THSD7B: variants seen among roughly 807,000 people sequenced by gnomAD.
THSD7B encodes thrombospondin type-1 domain-containing protein 7B.
In THSD7B, 138 loss-of-function variants were observed where a neutral mutation model predicts 213.6. That is an observed-to-expected ratio of 0.65 (90% CI 0.56 to 0.74). THSD7B has a LOEUF of 0.74. THSD7B is among the 30% of genes least tolerant of loss of function. The pLI is 0.00. For missense variants in THSD7B, 1,931 were observed against 1,991.5 expected, an observed-to-expected ratio of 0.97 and a Z score of 0.58; for synonymous variants, 742 against 687.0, an observed-to-expected ratio of 1.08 and a Z score of -1.25.
intron 15 of THSD7B, among the ~76,000 whole-genome samples, chr2:137,517,994 G>T (rs1680106008): frequency 6.6e-6 from 1 of 152,178 alleles, no homozygotes; most frequent in Non-Finnish European, 1.5e-5. Context: ...CATAAAGTGG[G>T]TCATGCACAG....
At position 137,308,952 on chromosome 2, in the gene THSD7B, G is replaced by A. The variant is rs185312547; in HGVS notation, c.2500+32926G>A. On this transcript the variant is annotated intron_variant, in intron 12 of 27. Coordinates refer to ENST00000409968, the MANE Select transcript of THSD7B (RefSeq NM_001316349.2). ...TGCTGAATGATATGACATTGTTTTT[G>A]TATTAGAAACAGCTCTGAACTACAA... is the stretch of plus-strand genomic sequence containing the variant. 3.9e-5 allele frequency among the ~76,000 whole-genome samples: 6 copies of A among 152,110 alleles called. No homozygotes were observed. In the East Asian group the frequency reaches 9.7e-4, roughly 24 times the overall value.
At chr2:137,382,938 C>G (rs1440170229) in intron 12 of THSD7B, among the ~76,000 whole-genome samples, 3 of 152,172 alleles carry the variant, frequency 2.0e-5, no homozygotes, top group Non-Finnish European at 4.4e-5. Context: ...CAGCCTAGTA[C>G]TGACACCATA....
Position 137,434,492 on chromosome 2 carries a change from C to T in THSD7B, c.2960-16353C>T, listed in dbSNP as rs557824104. On this transcript the variant is annotated intron_variant, in intron 14 of 27. Coordinates refer to ENST00000409968, the MANE Select transcript of THSD7B (RefSeq NM_001316349.2). ...ACTGTGCCCTCTGGTTAGGCCCAGA[C>T]CTCCTGGGCAAAGATAATATTTCAA... Among the ~76,000 whole-genome samples, 5 of 152,312 alleles carry T rather than the reference C, an allele frequency of 3.3e-5. No individual in the cohort carries two copies. The East Asian group carries it at 5.8e-4, about 18-fold the overall frequency.
intron 15 of THSD7B, among the ~76,000 whole-genome samples, chr2:137,489,868 C>A (rs1688566193): frequency 6.6e-6 from 1 of 152,204 alleles, no homozygotes; most frequent in Non-Finnish European, 1.5e-5. Context: ...TTTCCCACAT[C>A]TCTGCATGAA....
rs556537467 is a variant in THSD7B at position 137,071,959 on chromosome 2, T to G, written c.950+14729T>G. Among the ~76,000 whole-genome samples, 1,485 of 152,316 alleles carry G rather than the reference T, an allele frequency of 9.7e-3. 13 individuals are homozygous for G. Among genetic ancestry groups the G allele is most frequent in the Non-Finnish European group, 0.014 (967 of 68,026 alleles). ...TTCTGAGGGCTCTGTTCTGTTCCATTGGTCTATATCTCTGTTTTGGTACCA... is the reference window on the plus strand; with the variant it reads ...TTCTGAGGGCTCTGTTCTGTTCCATGGGTCTATATCTCTGTTTTGGTACCA... On this transcript the variant is annotated intron_variant, in intron 3 of 27. Coordinates refer to ENST00000409968, the MANE Select transcript of THSD7B (RefSeq NM_001316349.2).
At chr2:137,347,615 T>C (rs1002906097) in intron 12 of THSD7B, among the ~76,000 whole-genome samples, 1 of 150,550 alleles carries the variant, frequency 6.6e-6, no homozygotes, top group Non-Finnish European at 1.5e-5. Context: ...AAGGAAGAGA[T>C]ACTGGGCTTA....
chr2:136,807,936 G>A (rs1682313317), intron 1 of THSD7B, among the ~76,000 whole-genome samples: 1 of 152,196 alleles, frequency 6.6e-6, no homozygotes, highest in Non-Finnish European at 1.5e-5. Flanking sequence ...CTTTGTTACT[G>A]TGATTTCATT....
intron 10 of THSD7B, among the ~76,000 whole-genome samples, chr2:137,244,098 C>T (rs1681971316): frequency 6.6e-6 from 1 of 152,122 alleles, no homozygotes; most frequent in African/African-American, 2.4e-5. Flanking sequence ...GATAGAAAAG[C>T]TTCTGTCTCT....
chr2:137,576,574 G>A (rs1015544922), intron 17 of THSD7B, among the ~76,000 whole-genome samples: 1 of 152,084 alleles, frequency 6.6e-6, no homozygotes, highest in Non-Finnish European at 1.5e-5. Flanking sequence ...ATGGAATCTG[G>A]ATTCTGTCAC....
At chr2:137,292,351 A>G (rs747705321) in intron 12 of THSD7B, among the ~76,000 whole-genome samples, 9 of 152,182 alleles carry the variant, frequency 5.9e-5, no homozygotes, top group Non-Finnish European at 1.3e-4. Flanking sequence ...TTCAGAATTT[A>G]CAATTGGCTG....
At chr2:137,486,501 T>G (rs1400616427) in intron 15 of THSD7B, among the ~76,000 whole-genome samples, 8 of 151,122 alleles carry the variant, frequency 5.3e-5, no homozygotes, top group Admixed American at 4.6e-4. Flanking sequence ...AGCAAGTCCT[T>G]AGTGACCTAC....
At chr2:137,659,344 A>G (rs1683297377) in intron 24 of THSD7B, among the ~76,000 whole-genome samples, 1 of 152,120 alleles carries the variant, frequency 6.6e-6, no homozygotes. Context: ...CCTGAGTTTA[A>G]ATTTAGATTT....
intron 7 of THSD7B, among the ~76,000 whole-genome samples, chr2:137,212,519 T>C (rs772650543): frequency 7.9e-5 from 12 of 152,002 alleles, no homozygotes; most frequent in Non-Finnish European, 1.8e-4. Context: ...AAATAGCATG[T>C]AGAATAATTT....
At chr2:137,553,683 T>C (rs915377119) in intron 15 of THSD7B, among the ~76,000 whole-genome samples, 4 of 152,188 alleles carry the variant, frequency 2.6e-5, no homozygotes, top group African/African-American at 9.7e-5. Context: ...CTTGTTATTT[T>C]TTCCCTAATT....
At chr2:137,190,289 T>C (rs1202012569) in intron 7 of THSD7B, among the ~76,000 whole-genome samples, 2 of 152,246 alleles carry the variant, frequency 1.3e-5, no homozygotes, top group Admixed American at 6.5e-5. Context: ...ATCTAGGATG[T>C]ACCAGGCGCT....
chr2:137,333,511 T>C (rs1440760439), intron 12 of THSD7B, among the ~76,000 whole-genome samples: 1 of 152,178 alleles, frequency 6.6e-6, no homozygotes, highest in Non-Finnish European at 1.5e-5. Context: ...CTGTTTTCAG[T>C]TTCTAGAACA....
At chr2:137,646,931 A>C (rs1056161537) in intron 21 of THSD7B, among the ~76,000 whole-genome samples, 3 of 152,102 alleles carry the variant, frequency 2.0e-5, no homozygotes, top group Non-Finnish European at 4.4e-5. Flanking sequence ...ATGTCCTCCA[A>C]GTTGCCCTTT....
intron 1 of THSD7B, among the ~76,000 whole-genome samples, chr2:136,842,772 C>A (rs1682938622): frequency 6.6e-6 from 1 of 152,172 alleles, no homozygotes; most frequent in African/African-American, 2.4e-5. Context: ...GATTCCTGAA[C>A]CCATTACTTC....
At chr2:137,341,610 T>A (rs922557728) in intron 12 of THSD7B, among the ~76,000 whole-genome samples, 2 of 151,736 alleles carry the variant, frequency 1.3e-5, no homozygotes, top group Admixed American at 6.6e-5. Flanking sequence ...TGGTCTTATG[T>A]TTAAGTGTTT....
Sources: allele counts gnomAD v4.1 joint callset (sites outside exome capture counted in the v4.1 genomes callset), GRCh38; gene constraint gnomAD v4.1.1; transcripts MANE v1.5; gene names NCBI Gene and HGNC (gene_info 2026-07-23, HGNC 2026-07-21).